The following STK11 variants were observed in gnomAD, a reference collection of about 807,000 sequenced individuals.
STK11 encodes serine/threonine kinase 11, also known as serine/threonine-protein kinase STK11.
In STK11, 8 loss-of-function variants were observed where a neutral mutation model predicts 47.3. The observed-to-expected ratio is 0.17, with a 90% confidence interval of 0.10 to 0.31. The LOEUF is 0.31. Among genes scored for constraint, STK11 ranks in the 10% least tolerant of loss-of-function variants. The pLI is 1.00. For synonymous variants in STK11, 330 were observed against 255.8 expected (o/e 1.29, Z -2.77); for missense variants, 475 against 605.0 (o/e 0.79, Z 2.25).
rs376788924 is a variant in STK11 at position 1,219,381 on chromosome 19, G to A, written c.432G>A (p.Pro144=). Residue 144 remains proline (P), a synonymous_variant, in exon 3 of 10, where the codon CCG becomes CCA. Coordinates refer to ENST00000326873, the MANE Select transcript of STK11 (RefSeq NM_000455.5). The part of the protein sequence containing the change: ...CGMQEMLDSV[P]EKRFPVCQAH... ...TGCAGGAAATGCTGGACAGCGTGCC[G>A]GAGAAGCGTTTCCCAGTGTGCCAGG... 49 of 1,598,386 alleles carry A rather than the reference G, an allele frequency of 3.1e-5. No homozygotes were observed. The highest frequency in any genetic ancestry group is 1.7e-4 in the Middle Eastern group (1 of 6,048).
intron 1 of STK11, among the ~76,000 whole-genome samples, chr19:1,217,084 G>A (rs2080749703): frequency 6.6e-6 from 1 of 152,072 alleles, no homozygotes; most frequent in African/African-American, 2.4e-5. Context: ...GGCGTGTACT[G>A]TTCCTCAGGG....
intron 1 of STK11, among the ~76,000 whole-genome samples, chr19:1,215,951 G>C (rs1462563480): frequency 1.4e-5 from 2 of 141,540 alleles, no homozygotes; most frequent in Non-Finnish European, 3.0e-5. Context: ...TGGCCAGGCT[G>C]GTTTCGAACT....
intron 9 of STK11, 96 bp from the exon 10 acceptor site, chr19:1,227,497 T>C (rs2080833894): frequency 9.5e-7 from 1 of 1,054,716 alleles, no homozygotes; most frequent in Non-Finnish European, 1.1e-6. Context: ...GGTAGCCCCA[T>C]GACTGTACCT....
At chr19:1,207,669 C>T (rs1423999477) in intron 1 of STK11, among the ~76,000 whole-genome samples, 1 of 152,208 alleles carries the variant, frequency 6.6e-6, no homozygotes, top group Non-Finnish European at 1.5e-5. Context: ...TTTATCCTGT[C>T]AGAGGGGAAC....
chr19:1,221,493 C>G, intron 6 of STK11, 153 bp downstream of exon 6: 1 of 1,249,420 alleles, frequency 8.0e-7, no homozygotes, highest in Non-Finnish European at 1.1e-6. Flanking sequence ...CCCGCAGGGC[C>G]TGGTTTGCCA....
intron 8 of STK11, chr19:1,226,069 G>A: frequency 9.5e-7 from 1 of 1,053,360 alleles, no homozygotes; most frequent in South Asian, 3.3e-5. Context: ...GCATGTGGCG[G>A]CTCCTGGGCC....
At chr19:1,223,855 C>T (rs1375714537) in intron 8 of STK11, 1 of 1,023,322 alleles carries the variant, frequency 9.8e-7, no homozygotes, top group Non-Finnish European at 1.2e-6. Flanking sequence ...TGGGCCGTGT[C>T]ATAAAGAGTT....
At chr19:1,224,617 C>T (rs544500493) in intron 8 of STK11, 2 of 985,700 alleles carry the variant, frequency 2.0e-6, no homozygotes, top group East Asian at 1.1e-4. Flanking sequence ...GCCAGGATCC[C>T]TGAGCCAGGA....
Position 1,220,702 on chromosome 19 carries a change from C to A in STK11, c.719C>A (p.Ser240Ter), listed in dbSNP as rs730881976. The A allele has an allele frequency of 6.2e-7, 1 of 1,609,544 alleles. No individual in the cohort carries two copies. The highest frequency in any genetic ancestry group is 1.1e-5 in the South Asian group (1 of 90,958). Reference sequence around the variant, plus strand: ...TCCGGCTTCAAGGTGGACATCTGGTCGGCTGGGGTCACCCTGTAAGTGCCC... The same window carrying A: ...TCCGGCTTCAAGGTGGACATCTGGTAGGCTGGGGTCACCCTGTAAGTGCCC... The part of the protein sequence containing the change: ...TFSGFKVDIW[S>*]AGVTLYNITT... Residue 240 changes from serine (S) to a stop codon, truncating the protein, a stop_gained, in exon 5 of 10, where the codon TCG becomes TAG. Coordinates refer to ENST00000326873, the MANE Select transcript of STK11 (RefSeq NM_000455.5). LOFTEE classifies it high-confidence loss of function.
chr19:1,226,300 G>A, intron 8 of STK11, 154 bp from the exon 9 acceptor site: 1 of 1,450,506 alleles, frequency 6.9e-7, no homozygotes, highest in Admixed American at 2.6e-5. Context: ...CTGGGGGGCA[G>A]CATTTCAGGC....
chr19:1,220,527 C>A (rs1282760457), intron 4 of STK11, 22 bp downstream of exon 4: 1 of 1,587,172 alleles, frequency 6.3e-7, no homozygotes, highest in Non-Finnish European at 8.6e-7. Context: ...CTAGGGGGGG[C>A]CCTGGGGCGC....
chr19:1,210,839 G>A (rs1035808678), intron 1 of STK11, among the ~76,000 whole-genome samples: 1 of 151,308 alleles, frequency 6.6e-6, no homozygotes, highest in Non-Finnish European at 1.5e-5. Context: ...TCCAGCCTGG[G>A]TAACAAGAGT....
In STK11 at chr19:1,223,188, GC is replaced by G; in HGVS notation, c.1108+20del. On this transcript the variant is annotated intron_variant, in intron 8 of 9. Coordinates refer to ENST00000326873, the MANE Select transcript of STK11 (RefSeq NM_000455.5). ...ACGGTGCCCGGTGAGTCTGGCGGGG[GC>G]CCCTGCCCGGCTCTGCTGACTCGGC... 1 of 1,602,984 alleles carries G rather than the reference GC, an allele frequency of 6.2e-7. No individual in the cohort carries two copies. Among genetic ancestry groups the G allele is most frequent in the African/African-American group, 1.3e-5 (1 of 74,928 alleles).
intron 6 of STK11, 52 bp downstream of exon 6, chr19:1,221,392 C>A (rs1025469082): frequency 6.5e-7 from 1 of 1,541,856 alleles, no homozygotes; most frequent in Non-Finnish European, 8.8e-7. Context: ...GGCTTTTGTG[C>A]AGAAATGTAG....
At chr19:1,222,544 G>C (rs2080792290) in intron 7 of STK11, among the ~76,000 whole-genome samples, 1 of 152,196 alleles carries the variant, frequency 6.6e-6, no homozygotes, top group Admixed American at 6.5e-5. Context: ...CTCTGGGAGT[G>C]GGAGTGTCCG....
chr19:1,210,383 C>T (rs1305009554), intron 1 of STK11, among the ~76,000 whole-genome samples: 1 of 152,198 alleles, frequency 6.6e-6, no homozygotes, highest in African/African-American at 2.4e-5. Context: ...CCTCAGGCGT[C>T]CGGTCCTCCA....
chr19:1,206,457 C>T lies in STK11; in HGVS notation c.-457C>T. 1 of 240,092 alleles carries T rather than the reference C, an allele frequency of 4.2e-6. No individual in the cohort carries two copies. The highest frequency in any genetic ancestry group is 8.2e-6 in the Non-Finnish European group (1 of 122,576). The allele number at this position is 240,092 out of a possible 1,614,324, so 14.9% of individuals were successfully genotyped here. On this transcript the variant is annotated 5_prime_UTR_variant, in exon 1 of 10. Coordinates refer to ENST00000326873, the MANE Select transcript of STK11 (RefSeq NM_000455.5). The stretch of plus-strand genomic sequence containing the variant: ...GGGGTCCCGGGGGGTAGCGACGTCG[C>T]GGACCCGGCCTGTGGGATGGGCGGC...
intron 8 of STK11, chr19:1,225,861 TC>T: frequency 1.0e-6 from 1 of 986,992 alleles, no homozygotes; most frequent in Non-Finnish European, 1.2e-6. Context: ...GAGAACAGTG[TC>T]CACCTGGGCA....
At chr19:1,225,805 C>A (rs1171782907) in intron 8 of STK11, 2 of 985,540 alleles carry the variant, frequency 2.0e-6, no homozygotes, top group Admixed American at 6.1e-5. Flanking sequence ...CGGCTCCTCG[C>A]AGGGACAGTA....
Sources: allele counts gnomAD v4.1 joint callset (sites outside exome capture counted in the v4.1 genomes callset), GRCh38; gene constraint gnomAD v4.1.1; transcripts MANE v1.5; gene names NCBI Gene and HGNC (gene_info 2026-07-23, HGNC 2026-07-21).